Variants in USP46 observed in about 807,000 individuals in gnomAD.
The protein encoded by USP46 is ubiquitin carboxyl-terminal hydrolase 46.
In USP46, 12 loss-of-function variants were observed where a neutral mutation model predicts 44.4. That is an observed-to-expected ratio of 0.27 (90% CI 0.17 to 0.44). The LOEUF is 0.44. Among genes scored for constraint, USP46 ranks in the 20% least tolerant of loss-of-function variants. USP46 has a pLI of 1.00. For synonymous variants in USP46, 155 were observed against 161.5 expected (o/e 0.96, Z 0.31); for missense variants, 248 against 444.8 (o/e 0.56, Z 3.98).
At chr4:52,603,162 G>A (rs1434535975) in intron 6 of USP46, among the ~76,000 whole-genome samples, 1 of 152,144 alleles carries the variant, frequency 6.6e-6, no homozygotes, top group African/African-American at 2.4e-5. Flanking sequence ...TGTTTTATGG[G>A]AACACATGAC....
At chr4:52,648,255 T>A (rs1269776390) in intron 1 of USP46, among the ~76,000 whole-genome samples, 2 of 152,222 alleles carry the variant, frequency 1.3e-5, no homozygotes, top group African/African-American at 2.4e-5. Flanking sequence ...CAAGAGCCGA[T>A]TATTTGAGCC....
chr4:52,656,259 G>T (rs753646729), intron 1 of USP46: 4 of 1,548,002 alleles, frequency 2.6e-6, no homozygotes, highest in African/African-American at 2.7e-5. Flanking sequence ...GCCCACAGAG[G>T]AGCTAAGCAG....
rs111247608 is a variant in USP46 at position 52,626,347 on chromosome 4, G to A, written c.332-100C>T. 1,430 of 1,014,560 alleles carry A rather than the reference G, an allele frequency of 1.4e-3. 7 individuals carry two copies. The African/African-American group carries it at 0.016, about 11-fold the overall frequency. The allele number at this position is 1,014,560 out of a possible 1,614,324, so 62.8% of individuals were successfully genotyped here. A position where few individuals can be genotyped will look rare whatever the true frequency, so the allele number is the denominator to read the frequency against. On this transcript the variant is annotated intron_variant, in intron 3 of 8. Transcript: ENST00000441222. ...TACTTAAATATTTTTTTTTTGAGAT[G>A]GAGTCTCGCTGTGTCGCCAGGCTAG...
At position 52,620,112 on chromosome 4, in the gene USP46, C is replaced by T. The variant is rs926355288; in HGVS notation, c.561+5906G>A. Among the ~76,000 whole-genome samples the T allele has an allele frequency of 3.3e-5, 5 of 152,120 alleles. No homozygotes were observed. The East Asian group carries it at 7.7e-4, about 23-fold the overall frequency. On this transcript the variant is annotated intron_variant, in intron 4 of 8. Transcript: ENST00000441222. The stretch of plus-strand genomic sequence containing the variant: ...CACAGGCTTCCCACTCAAGATAACC[C>T]TCCAGGAAATAACAAGCTAGGTAAA...
At chr4:52,657,340 C>T (rs775347586) in intron 1 of USP46, among the ~76,000 whole-genome samples, 3 of 152,076 alleles carry the variant, frequency 2.0e-5, no homozygotes, top group Non-Finnish European at 4.4e-5. Context: ...CCCAGGTGTG[C>T]CAGAAAGCCC....
At chr4:52,614,996 A>T (rs1474191924) in intron 4 of USP46, among the ~76,000 whole-genome samples, 2 of 152,198 alleles carry the variant, frequency 1.3e-5, no homozygotes, top group Non-Finnish European at 2.9e-5. Context: ...TAGCAAAATC[A>T]CTAAAAATAC....
intron 1 of USP46, chr4:52,655,200 G>A (rs77769491): frequency 6.6e-6 from 1 of 152,190 alleles, no homozygotes; most frequent in Non-Finnish European, 1.5e-5. Flanking sequence ...TTCTATCTGT[G>A]CTGATATAAC....
intron 1 of USP46, among the ~76,000 whole-genome samples, chr4:52,632,918 G>GAGAAGGAAAGAAAGAAAGAAAGAA (rs1717900413): frequency 2.8e-5 from 1 of 35,176 alleles, no homozygotes; most frequent in East Asian, 1.2e-3. Context: ...AAGAAAGAAA[G>GAGAAGGAAAGAAAGAAAGAAAGAA]AGAAAGAAAG....
At chr4:52,603,177 C>T (rs7687075) in intron 6 of USP46, among the ~76,000 whole-genome samples, 27,278 of 152,084 alleles carry the variant, frequency 0.18, 3,012 homozygotes, top group African/African-American at 0.32. Context: ...CATGACATTG[C>T]AATATATAAA....
chr4:52,626,332 T>A, intron 3 of USP46, 85 bp from the exon 4 acceptor site: 2 of 852,002 alleles, frequency 2.3e-6, no homozygotes, highest in Non-Finnish European at 3.3e-6. Flanking sequence ...TACTTAAATA[T>A]TTTTTTTTTG....
intron 1 of USP46, among the ~76,000 whole-genome samples, chr4:52,643,244 C>T (rs1718419553): frequency 6.6e-6 from 1 of 152,132 alleles, no homozygotes; most frequent in Admixed American, 6.5e-5. Context: ...TGACCCTTCC[C>T]ACTCATAGAA....
At chr4:52,609,085 G>A (rs999802391) in intron 5 of USP46, among the ~76,000 whole-genome samples, 3 of 152,104 alleles carry the variant, frequency 2.0e-5, no homozygotes, top group Non-Finnish European at 4.4e-5. Flanking sequence ...GACACAAATG[G>A]CTTACTCTGC....
In USP46 at chr4:52,593,153, G is replaced by T. The variant is rs771339170; in HGVS notation, c.*4487C>A. 5.2e-6 allele frequency: 2 copies of T among 387,794 alleles called. No homozygotes were observed. The highest frequency in any genetic ancestry group is 4.1e-5 in the African/African-American group (2 of 48,380). 24.0% of individuals were successfully genotyped at this position (387,794 alleles called of 1,614,324 possible). On this transcript the variant is annotated 3_prime_UTR_variant, in exon 9 of 9. Coordinates refer to ENST00000441222, the MANE Select transcript of USP46 (RefSeq NM_022832.4). ...GGAAGGCTTCATTTTTTTAGTAAAG[G>T]TATTTTAAGTATCAATAAAAAGAGA... is the stretch of plus-strand genomic sequence containing the variant.
intron 1 of USP46, among the ~76,000 whole-genome samples, chr4:52,641,522 A>G (rs1718340179): frequency 6.6e-6 from 1 of 152,214 alleles, no homozygotes; most frequent in Non-Finnish European, 1.5e-5. Context: ...TACAAGGAAA[A>G]CAAGTTAGAA....
intron 4 of USP46, 44 bp from the exon 5 acceptor site, chr4:52,610,661 A>C (rs1234435756): frequency 6.3e-7 from 1 of 1,582,824 alleles, no homozygotes. Flanking sequence ...TGAAATATGT[A>C]GTAGATAAAA....
At chr4:52,647,663 T>C (rs1345964115) in intron 1 of USP46, among the ~76,000 whole-genome samples, 5 of 152,222 alleles carry the variant, frequency 3.3e-5, no homozygotes, top group Admixed American at 6.5e-5. Context: ...CCAGCATGTG[T>C]CTTCCAATGG....
chr4:52,599,378 G>A (rs773285756), intron 7 of USP46, among the ~76,000 whole-genome samples: 1 of 152,098 alleles, frequency 6.6e-6, no homozygotes, highest in Non-Finnish European at 1.5e-5. Context: ...GTGTGTTCAG[G>A]AAGAGCAGAG....
chr4:52,621,710 A>G (rs978846612), intron 4 of USP46, among the ~76,000 whole-genome samples: 3 of 152,228 alleles, frequency 2.0e-5, no homozygotes, highest in Non-Finnish European at 4.4e-5. Flanking sequence ...CCACCACTTT[A>G]GAAACAATTT....
intron 4 of USP46, among the ~76,000 whole-genome samples, chr4:52,618,117 C>T (rs1266227753): frequency 1.3e-5 from 2 of 152,082 alleles, no homozygotes; most frequent in Non-Finnish European, 2.9e-5. Flanking sequence ...ACAGTAGTGG[C>T]TCACGCCTAT....
Sources: gnomAD v4.1 joint callset for allele counts (sites outside exome capture counted in the v4.1 genomes callset) on GRCh38, gnomAD v4.1.1 for gene constraint, MANE v1.5 for transcripts, NCBI Gene and HGNC (gene_info 2026-07-23, HGNC 2026-07-21) for gene names.